The following RPS6KA1 variants were observed in gnomAD, a reference collection of about 807,000 sequenced individuals.
RPS6KA1 encodes ribosomal protein S6 kinase alpha-1.
Under a neutral mutation model 91.3 loss-of-function variants are expected in RPS6KA1, and 48 were observed. The ratio of observed to expected loss-of-function variants is 0.53; its 90% confidence interval spans 0.42 to 0.67. The LOEUF (loss-of-function observed/expected upper bound fraction) is 0.67. Among genes scored for constraint, RPS6KA1 ranks in the 30% least tolerant of loss-of-function variants. The probability of loss-of-function intolerance (pLI) is 0.00; values close to 1 mark genes in which losing one functional copy is unlikely to be tolerated. For synonymous variants in RPS6KA1, 359 were observed against 384.7 expected (o/e 0.93, Z 0.78); for missense variants, 719 against 960.5 (o/e 0.75, Z 3.32).
Position 26,551,834 on chromosome 1 carries a change from C to T in RPS6KA1, c.468+111C>T, listed in dbSNP as rs1208786423. On this transcript the variant is annotated intron_variant, in intron 6 of 21. Transcript: ENST00000374168. The surrounding 1 kb of genome is among the most constrained non-coding windows in gnomAD (Gnocchi z 4.5). Reference sequence around the variant, plus strand: ...GTTTGGTATGGCTTGAACCTGGAACCACCCAGGCCTGCCTAGCAGCCCCTG... The same window carrying T: ...GTTTGGTATGGCTTGAACCTGGAACTACCCAGGCCTGCCTAGCAGCCCCTG... 2.1e-6 allele frequency: 2 copies of T among 934,750 alleles called. No homozygotes were observed. The highest frequency in any genetic ancestry group is 5.1e-5 in the East Asian group (2 of 39,298). 57.9% of individuals were successfully genotyped at this position (934,750 alleles called of 1,614,324 possible).
intron 21 of RPS6KA1, among the ~76,000 whole-genome samples, chr1:26,573,742 A>C (rs2076270684): frequency 3.3e-5 from 5 of 152,092 alleles, no homozygotes; most frequent in Admixed American, 3.3e-4. Context: ...GTTCAAGACC[A>C]GCCTGACCAA....
chr1:26,549,529 A>G (rs1188556246), intron 4 of RPS6KA1, among the ~76,000 whole-genome samples: 1 of 151,794 alleles, frequency 6.6e-6, no homozygotes, highest in African/African-American at 2.4e-5. Flanking sequence ...AGATCACACC[A>G]CTGCACTCCA....
intron 17 of RPS6KA1, among the ~76,000 whole-genome samples, chr1:26,568,658 G>T (rs1302477780): frequency 6.6e-6 from 1 of 152,192 alleles, no homozygotes; most frequent in Non-Finnish European, 1.5e-5. Context: ...GCTGAGGCAG[G>T]AGAATTGCTT....
Position 26,551,531 on chromosome 1 carries a change from C to T in RPS6KA1, c.388+54C>T, listed in dbSNP as rs369418499. 9 of 1,605,822 alleles carry T rather than the reference C, an allele frequency of 5.6e-6. No homozygotes were observed. The highest frequency in any genetic ancestry group is 5.4e-5 in the African/African-American group (4 of 74,766). ...TACCCCACCCATCCTTCGCCCTTGC[C>T]TGTGGTCTGTACACTGTCCCACCGC... On this transcript the variant is annotated intron_variant, in intron 5 of 21. Coordinates refer to ENST00000374168, the MANE Select transcript of RPS6KA1 (RefSeq NM_002953.4). The surrounding 1 kb of genome is among the most constrained non-coding windows in gnomAD (Gnocchi z 4.5).
In RPS6KA1 at chr1:26,561,440, G is replaced by T; in HGVS notation, c.1432-65G>T. ...ATGTCATTCTTCCCTGCTCTGGGGC[G>T]CTGCTGACCAGGGGGCTCAGGCCTG... On this transcript the variant is annotated intron_variant, in intron 16 of 21. Transcript: ENST00000374168. The surrounding 1 kb of genome is among the most constrained non-coding windows in gnomAD (Gnocchi z 5.7). 1.3e-6 allele frequency: 2 copies of T among 1,599,868 alleles called. No individual in the cohort carries two copies. Among genetic ancestry groups the T allele is most frequent in the Non-Finnish European group, 1.7e-6 (2 of 1,167,890 alleles).
Position 26,529,874 on chromosome 1 carries a change from C to A in RPS6KA1, c.-47C>A. The A allele has an allele frequency of 7.2e-7, 1 of 1,384,462 alleles. No homozygotes were observed. 85.8% of individuals were successfully genotyped at this position (1,384,462 alleles called of 1,614,324 possible). On this transcript the variant is annotated 5_prime_UTR_variant, in exon 1 of 22. Coordinates refer to ENST00000374168, the MANE Select transcript of RPS6KA1 (RefSeq NM_002953.4). The surrounding 1 kb of genome is among the most constrained non-coding windows in gnomAD (Gnocchi z 4.2). The stretch of plus-strand genomic sequence containing the variant: ...AGGGACCCCAGGACCCGGGAGGCGG[C>A]GCAGCCGGGGCCGCCGGAGGAGCGC...
rs1408418598 is a variant in RPS6KA1 at position 26,560,786 on chromosome 1, G to T, written c.1276G>T (p.Val426Leu). ...DGYVVKETIG[V>L]GSYSECKRCV... is the part of the protein sequence containing the mutation. Reference sequence around the variant, plus strand: ...CTACGTGGTAAAGGAGACAATTGGTGTGGGCTCCTACTCTGAGTGCAAGCG... The same window carrying T: ...CTACGTGGTAAAGGAGACAATTGGTTTGGGCTCCTACTCTGAGTGCAAGCG... The change falls in exon 15 of 22, where the codon GTG becomes TTG. Residue 426 changes from valine (V) to leucine (L), a missense_variant. Physicochemically the swap from Val to Leu is conservative, Grantham distance 32 (BLOSUM62 1). This residue lies in a region of RPS6KA1 where 228 missense variants were observed against 247.6 expected (regional missense o/e 0.92). Coordinates refer to ENST00000374168, the MANE Select transcript of RPS6KA1 (RefSeq NM_002953.4). 3.1e-6 allele frequency: 5 copies of T among 1,614,226 alleles called. No individual in the cohort carries two copies. Among genetic ancestry groups the T allele is most frequent in the Non-Finnish European group, 4.2e-6 (5 of 1,180,032 alleles).
chr1:26,529,875 G>A lies in RPS6KA1; in HGVS notation c.-46G>A, dbSNP rs2075854958. ...GGGACCCCAGGACCCGGGAGGCGGC[G>A]CAGCCGGGGCCGCCGGAGGAGCGCG... On this transcript the variant is annotated 5_prime_UTR_variant, in exon 1 of 22. Coordinates refer to ENST00000374168, the MANE Select transcript of RPS6KA1 (RefSeq NM_002953.4). The surrounding 1 kb of genome is among the most constrained non-coding windows in gnomAD (Gnocchi z 4.2). The A allele has an allele frequency of 1.4e-6, 2 of 1,385,462 alleles. No homozygotes were observed. The highest frequency in any genetic ancestry group is 1.9e-6 in the Non-Finnish European group (2 of 1,062,974). 85.8% of individuals were successfully genotyped at this position (1,385,462 alleles called of 1,614,324 possible). A position where few individuals can be genotyped will look rare whatever the true frequency, so the allele number is the denominator to read the frequency against.
chr1:26,543,007 T>C (rs184939621), intron 2 of RPS6KA1: 267 of 768,138 alleles, frequency 3.5e-4, no homozygotes, highest in Non-Finnish European at 5.0e-4. Context: ...CCCTCCTCTA[T>C]AGAGGAGCCT....
rs751391802 is a variant in RPS6KA1 at position 26,561,469 on chromosome 1, C to T, written c.1432-36C>T. The T allele has an allele frequency of 1.2e-6, 2 of 1,613,942 alleles. No individual in the cohort carries two copies. The highest frequency in any genetic ancestry group is 2.2e-5 in the South Asian group (2 of 91,074). The stretch of plus-strand genomic sequence containing the variant: ...CTGACCAGGGGGCTCAGGCCTGACA[C>T]TGGGGAGAAGAGCCTGATGGTGAGG... On this transcript the variant is annotated intron_variant, in intron 16 of 21. Transcript: ENST00000374168. This position sits in a 1 kb window ranked among gnomAD's most constrained non-coding sequence, Gnocchi z 5.7.
At chr1:26,565,543 T>TTTTTCTTTTCCTTTC (rs111881237) in intron 17 of RPS6KA1, among the ~76,000 whole-genome samples, 3 of 148,028 alleles carry the variant, frequency 2.0e-5, no homozygotes, top group Non-Finnish European at 4.4e-5. Flanking sequence ...TGAATTTATT[T>TTTTTCTTTTCCTTTC]TTTTCTTTTC....
rs2076053349 is a variant in RPS6KA1, at chr1:26,551,816, A to G, written c.468+93A>G. 1.7e-6 allele frequency: 2 copies of G among 1,197,100 alleles called. No homozygotes were observed. The highest frequency in any genetic ancestry group is 2.5e-6 in the Non-Finnish European group (2 of 811,494). The allele number at this position is 1,197,100 out of a possible 1,614,324, so 74.2% of individuals were successfully genotyped here. On this transcript the variant is annotated intron_variant, in intron 6 of 21. Coordinates refer to ENST00000374168, the MANE Select transcript of RPS6KA1 (RefSeq NM_002953.4). This position sits in a 1 kb window ranked among gnomAD's most constrained non-coding sequence, Gnocchi z 4.5. The stretch of plus-strand genomic sequence containing the variant: ...GGGCCCTGTACAGAATGTGTTTGGT[A>G]TGGCTTGAACCTGGAACCACCCAGG...
intron 11 of RPS6KA1, 150 bp from the exon 12 acceptor site, chr1:26,556,504 T>C: frequency 1.3e-6 from 1 of 743,298 alleles, no homozygotes; most frequent in Non-Finnish European, 2.3e-6. Context: ...GGCCTTAGGG[T>C]GATGGCTGGG....
chr1:26,573,447 C>T (rs557541605), intron 21 of RPS6KA1, 86 bp downstream of exon 21: 1 of 1,468,084 alleles, frequency 6.8e-7, no homozygotes, highest in Admixed American at 1.8e-5. Flanking sequence ...CAGGCAATGC[C>T]ATGTCTGTAC....
chr1:26,532,266 G>T (rs1471042531), intron 1 of RPS6KA1, among the ~76,000 whole-genome samples: 1 of 152,186 alleles, frequency 6.6e-6, no homozygotes, highest in Non-Finnish European at 1.5e-5. Flanking sequence ...GCCACGTACA[G>T]AGCTTTACTA....
rs1286108342 is a variant in RPS6KA1 at position 26,529,868 on chromosome 1, A to G, written c.-53A>G. 7.3e-7 allele frequency: 1 copy of G among 1,365,720 alleles called. No homozygotes were observed. Among genetic ancestry groups the G allele is most frequent in the Non-Finnish European group, 9.5e-7 (1 of 1,047,742 alleles). 84.6% of individuals were successfully genotyped at this position (1,365,720 alleles called of 1,614,324 possible). ...AGAGCCAGGGACCCCAGGACCCGGG[A>G]GGCGGCGCAGCCGGGGCCGCCGGAG... is the stretch of plus-strand genomic sequence containing the variant. On this transcript the variant is annotated 5_prime_UTR_variant, in exon 1 of 22. Coordinates refer to ENST00000374168, the MANE Select transcript of RPS6KA1 (RefSeq NM_002953.4). The surrounding 1 kb of genome is among the most constrained non-coding windows in gnomAD (Gnocchi z 4.2).
intron 2 of RPS6KA1, among the ~76,000 whole-genome samples, chr1:26,539,698 T>C (rs1231662560): frequency 1.3e-5 from 2 of 152,210 alleles, no homozygotes; most frequent in Non-Finnish European, 2.9e-5. Flanking sequence ...GATTTGGCTT[T>C]TAGCAGCAAT....
intron 11 of RPS6KA1, chr1:26,556,042 C>T (rs1557504631): frequency 4.3e-6 from 1 of 234,238 alleles, no homozygotes; most frequent in Non-Finnish European, 8.6e-6. Context: ...ACTAAGTGAC[C>T]CCAGGCAGGT....
At position 26,560,717 on chromosome 1, in the gene RPS6KA1, C is replaced by T. The variant is rs370575011; in HGVS notation, c.1216-9C>T. ...CCAGGGGTCAGCCACAATTTTTGGT[C>T]TCCTACAGCAACTCCATGGGAAGAA... is the stretch of plus-strand genomic sequence containing the variant. On this transcript the variant is annotated splice_polypyrimidine_tract_variant and intron_variant, in intron 14 of 21. Transcript: ENST00000374168. 14 of 1,613,990 alleles carry T rather than the reference C, an allele frequency of 8.7e-6. No homozygotes were observed. The African/African-American group carries it at 1.9e-4, about 22-fold the overall frequency.
Sources: gnomAD v4.1 joint callset for allele counts (sites outside exome capture counted in the v4.1 genomes callset) on GRCh38, gnomAD v4.1.1 for gene constraint, gnomAD v4.1.1 regional missense constraint, Gnocchi (gnomAD v3.1) non-coding constraint, MANE v1.5 for transcripts, NCBI Gene and HGNC (gene_info 2026-07-23, HGNC 2026-07-21) for gene names.